HMGCLL1: variants seen among roughly 807,000 people sequenced by gnomAD.
HMGCLL1 encodes the protein 3-hydroxymethyl-3-methylglutaryl-CoA lyase, cytoplasmic.
HMGCLL1 carries 36 observed loss-of-function variants against 39.1 expected under a neutral mutation model. The observed-to-expected ratio is 0.92, with a 90% CI of 0.71 to 1.22. The LOEUF (loss-of-function observed/expected upper bound fraction) is 1.22, where lower values mean the gene tolerates loss of function less well. Ranked by LOEUF, HMGCLL1 falls within the 50% of genes most tolerant of loss-of-function variation. HMGCLL1 has a pLI of 0.00. For synonymous variants in HMGCLL1, 149 were observed against 144.0 expected (o/e 1.03, Z -0.25); for missense variants, 451 against 416.5 (o/e 1.08, Z -0.72).
the HMGCLL1 span, among the ~76,000 whole-genome samples, chr6:55,643,624 T>G: frequency 1.8e-4 from 28 of 152,082 alleles, no homozygotes; most frequent in Non-Finnish European, 3.8e-4. Flanking sequence ...ATACTACCAT[T>G]CCCAACCTGT....
chr6:55,483,801 C>T (rs1422013138), intron 7 of HMGCLL1, among the ~76,000 whole-genome samples: 1 of 152,072 alleles, frequency 6.6e-6, no homozygotes, highest in African/African-American at 2.4e-5. Context: ...TAAAAAGTTA[C>T]AAAAATTACT....
intron 3 of HMGCLL1, among the ~76,000 whole-genome samples, chr6:55,533,734 A>G (rs945071733): frequency 6.7e-6 from 1 of 149,888 alleles, no homozygotes; most frequent in Admixed American, 6.7e-5. Flanking sequence ...AAAATACAAA[A>G]AATTAGCCGG....
At chr6:55,556,904 T>C (rs1770707573) in intron 1 of HMGCLL1, among the ~76,000 whole-genome samples, 2 of 152,130 alleles carry the variant, frequency 1.3e-5, no homozygotes, top group African/African-American at 2.4e-5. Context: ...GGAAGTTTGA[T>C]GTAAAATGCA....
At chr6:55,557,655 A>T (rs191415610) in intron 1 of HMGCLL1, among the ~76,000 whole-genome samples, 84 of 152,074 alleles carry the variant, frequency 5.5e-4, no homozygotes, top group Non-Finnish European at 3.1e-4. Flanking sequence ...TAATGTTGGG[A>T]ATGTGAGCAG....
the HMGCLL1 span, among the ~76,000 whole-genome samples, chr6:55,616,839 T>C: frequency 6.6e-6 from 1 of 150,576 alleles, no homozygotes; most frequent in Non-Finnish European, 1.5e-5. Flanking sequence ...TTTAGAGAGG[T>C]GAGAGAGATT....
At chr6:55,579,687 G>A (rs1014555487), upstream of HMGCLL1, among the ~76,000 whole-genome samples, 1 of 152,212 alleles carries the variant, frequency 6.6e-6, no homozygotes, top group African/African-American at 2.4e-5. Context: ...ACTCTCAGAG[G>A]TACGTTCCTA....
chr6:55,567,442 A>G (rs1376247824), intron 1 of HMGCLL1, among the ~76,000 whole-genome samples: 4 of 152,106 alleles, frequency 2.6e-5, no homozygotes, highest in African/African-American at 7.2e-5. Context: ...TGCTCTGTCA[A>G]TTCCACCAAA....
intron 3 of HMGCLL1, among the ~76,000 whole-genome samples, chr6:55,540,569 C>T (rs945013096): frequency 6.6e-6 from 1 of 152,094 alleles, no homozygotes. Flanking sequence ...TGTTGGACTT[C>T]CCAGCCTCCA....
the HMGCLL1 span, among the ~76,000 whole-genome samples, chr6:55,597,218 A>C: frequency 6.6e-6 from 1 of 152,116 alleles, no homozygotes; most frequent in Non-Finnish European, 1.5e-5. Context: ...ACATCATGTC[A>C]ATAAACTTAA....
chr6:55,651,475 T>C, the HMGCLL1 span, among the ~76,000 whole-genome samples: 5 of 152,114 alleles, frequency 3.3e-5, no homozygotes, highest in Non-Finnish European at 5.9e-5. Flanking sequence ...CAAAGTCCTC[T>C]TTATTCTTCA....
At chr6:55,544,815 A>G (rs1204512170) in intron 1 of HMGCLL1, among the ~76,000 whole-genome samples, 1 of 152,150 alleles carries the variant, frequency 6.6e-6, no homozygotes, top group Non-Finnish European at 1.5e-5. Flanking sequence ...CCTAGAAGAA[A>G]AAGAATTTTC....
At position 55,447,127 on chromosome 6, in the gene HMGCLL1, A is replaced by G. The variant is rs567203754; in HGVS notation, c.796-7568T>C. The stretch of plus-strand genomic sequence containing the variant: ...TGAAATTACCCATACATGAAGTATT[A>G]CTCGTAGTTCAGTGGCCACGCTTAT... On this transcript the variant is annotated intron_variant, in intron 7 of 8. Coordinates refer to ENST00000274901, the MANE Select transcript of HMGCLL1 (RefSeq NM_001042406.2). 8.9e-4 allele frequency among the ~76,000 whole-genome samples: 136 copies of G among 152,070 alleles called. 1 individual carries two copies. The highest frequency in any genetic ancestry group is 2.1e-3 in the South Asian group (10 of 4,822).
At chr6:55,648,375 C>G in the HMGCLL1 span, among the ~76,000 whole-genome samples, 1 of 139,234 alleles carries the variant, frequency 7.2e-6, no homozygotes, top group Non-Finnish European at 1.5e-5. Context: ...CAGAGCAGAA[C>G]TTAAGGAAAT....
chr6:55,621,610 G>A, the HMGCLL1 span, among the ~76,000 whole-genome samples: 2 of 151,616 alleles, frequency 1.3e-5, no homozygotes, highest in African/African-American at 4.8e-5. Context: ...CCTCCAGATG[G>A]GACCATCTAG....
chr6:55,519,698 A>C (rs1352330806), intron 3 of HMGCLL1, among the ~76,000 whole-genome samples: 1 of 152,154 alleles, frequency 6.6e-6, no homozygotes, highest in African/African-American at 2.4e-5. Context: ...TTAATGCTTA[A>C]GCCTAAGTAA....
At chr6:55,538,724 G>A (rs1033099069) in intron 3 of HMGCLL1, among the ~76,000 whole-genome samples, 1 of 151,974 alleles carries the variant, frequency 6.6e-6, no homozygotes, top group Non-Finnish European at 1.5e-5. Flanking sequence ...TACTTACTAT[G>A]TACTGAGAAA....
intron 1 of HMGCLL1, among the ~76,000 whole-genome samples, chr6:55,570,260 C>T (rs1241455732): frequency 6.6e-6 from 1 of 152,186 alleles, no homozygotes; most frequent in Admixed American, 6.5e-5. Context: ...CAGCTTCACA[C>T]CTAAAACATT....
At chr6:55,582,116 G>A (rs1771996014), upstream of HMGCLL1, among the ~76,000 whole-genome samples, 1 of 152,136 alleles carries the variant, frequency 6.6e-6, no homozygotes, top group Non-Finnish European at 1.5e-5. Context: ...CAGTGGGGAA[G>A]GGCCTAAGAG....
the HMGCLL1 span, among the ~76,000 whole-genome samples, chr6:55,670,053 A>G: frequency 6.6e-6 from 1 of 151,984 alleles, no homozygotes; most frequent in East Asian, 1.9e-4. Flanking sequence ...CATCATAATG[A>G]CAATACTGAA....
Sources: allele counts gnomAD v4.1 joint callset (sites outside exome capture counted in the v4.1 genomes callset), GRCh38; gene constraint gnomAD v4.1.1; transcripts MANE v1.5; gene names NCBI Gene and HGNC (gene_info 2026-07-23, HGNC 2026-07-21).